The following PP2D1 variants were observed in gnomAD, a reference collection of about 807,000 sequenced individuals.
The protein encoded by PP2D1 is protein phosphatase 2C like domain containing 1.
Under a neutral mutation model 30.2 loss-of-function variants are expected in PP2D1, and 25 were observed. That is an observed-to-expected ratio of 0.83 (90% CI 0.60 to 1.16). The LOEUF (loss-of-function observed/expected upper bound fraction) is 1.16, where lower values mean the gene tolerates loss of function less well. PP2D1 is among the 50% of genes most tolerant of loss of function. PP2D1 has a pLI of 0.00. For synonymous variants in PP2D1, 260 were observed against 258.9 expected, an observed-to-expected ratio of 1.00 and a Z score of -0.04; for missense variants, 760 against 742.4, an observed-to-expected ratio of 1.02 and a Z score of -0.28.
chr3:20,004,539 A>G (rs1212439789), intron 1 of PP2D1, among the ~76,000 whole-genome samples: 1 of 152,240 alleles, frequency 6.6e-6, no homozygotes, highest in Non-Finnish European at 1.5e-5. Context: ...AAGAATTGAT[A>G]GTAAGGACAG....
At position 20,001,261 on chromosome 3, in the gene PP2D1, C is replaced by T; in HGVS notation, c.859G>A (p.Ala287Thr). ...CEYEDTHKAF[A>T]KAFWRMDRLL... ...CTATCCATTCTCCAAAATGCTTTTG[C>T]AAAGGCTTTGTGTGTGTCCTCATAC... The change falls in exon 2 of 3, where the codon GCA becomes ACA. Residue 287 changes from alanine (A) to threonine (T), a missense_variant. This residue lies in a region of PP2D1 where 374 missense variants were observed against 388.8 expected (regional missense o/e 0.96). Coordinates refer to ENST00000389050, the MANE Select transcript of PP2D1 (RefSeq NM_001252657.2). The T allele has an allele frequency of 6.5e-7, 1 of 1,536,058 alleles. No individual in the cohort carries two copies. The highest frequency in any genetic ancestry group is 1.2e-5 in the South Asian group (1 of 84,040).
chr3:19,987,534 T>G (rs1697055674), intron 2 of PP2D1, among the ~76,000 whole-genome samples: 1 of 152,192 alleles, frequency 6.6e-6, no homozygotes, highest in Non-Finnish European at 1.5e-5. Flanking sequence ...TTAAATATGA[T>G]ATTGTACCTG....
chr3:20,004,069 C>T (rs1697287871), intron 1 of PP2D1, among the ~76,000 whole-genome samples: 1 of 152,192 alleles, frequency 6.6e-6, no homozygotes, highest in Non-Finnish European at 1.5e-5. Context: ...CCTTCACACT[C>T]ATCACTCACT....
chr3:19,996,267 C>G (rs1030379988), intron 2 of PP2D1, among the ~76,000 whole-genome samples: 30 of 151,896 alleles, frequency 2.0e-4, no homozygotes, highest in African/African-American at 7.0e-4. Context: ...ACAACAGATG[C>G]CACTAAAAAA....
At chr3:19,999,668 C>T (rs756131187) in intron 2 of PP2D1, among the ~76,000 whole-genome samples, 2 of 151,998 alleles carry the variant, frequency 1.3e-5, no homozygotes, top group East Asian at 1.9e-4. Flanking sequence ...GAATTACAGG[C>T]GTGAGCCACC....
Position 20,002,028 on chromosome 3 carries a change from A to G in PP2D1, c.92T>C (p.Leu31Pro), listed in dbSNP as rs1412416102. Residue 31 changes from leucine (L) to proline (P), a missense_variant, in exon 2 of 3, where the codon CTT becomes CCT. Around this residue, in one of 3 missense-constraint regions of PP2D1, gnomAD observed 374 missense variants for 388.8 expected, o/e 0.96. Coordinates refer to ENST00000389050, the MANE Select transcript of PP2D1 (RefSeq NM_001252657.2). ...TCTAAAACGTTTTCTTTTGGGTAAA[A>G]GTAGAATATCCTCATCTGAATCAAA... is the stretch of plus-strand genomic sequence containing the variant. ...STFDSDEDIL[L>P]LPKRKRFRKK... The G allele has an allele frequency of 6.5e-7, 1 of 1,535,714 alleles. No homozygotes were observed. Among genetic ancestry groups the G allele is most frequent in the Non-Finnish European group, 8.7e-7 (1 of 1,146,450 alleles).
At chr3:19,999,421 G>T (rs545741469) in intron 2 of PP2D1, among the ~76,000 whole-genome samples, 1 of 142,648 alleles carries the variant, frequency 7.0e-6, no homozygotes, top group South Asian at 2.3e-4. Context: ...TCTCTTTGTT[G>T]CCCAGTCTGG....
At chr3:19,983,755 G>A (rs769770592), downstream of PP2D1, 2 of 1,612,606 alleles carry the variant, frequency 1.2e-6, no homozygotes, top group Admixed American at 1.7e-5. Flanking sequence ...AGCAAATTCT[G>A]CCAGAGGAAG....
intron 2 of PP2D1, among the ~76,000 whole-genome samples, chr3:19,997,936 C>T (rs1575086180): frequency 6.6e-6 from 1 of 152,146 alleles, no homozygotes; most frequent in African/African-American, 2.4e-5. Flanking sequence ...TGGCTCACCC[C>T]TGTAATCCCA....
At position 20,001,913 on chromosome 3, in the gene PP2D1, G is replaced by A. The variant is rs1393523894; in HGVS notation, c.207C>T (p.Cys69=). ...TACCAGTTAGGTCAATTTCGTGCTT[G>A]CATATGGAACAGGGTAATGTGGTCC... is the stretch of plus-strand genomic sequence containing the variant. ...EQGTTLPCSI[C]KHEIDLTGIF... The change falls in exon 2 of 3, where the codon TGC becomes TGT. Residue 69 remains cysteine, a synonymous_variant. Transcript: ENST00000389050. 42 of 1,536,318 alleles carry A rather than the reference G, an allele frequency of 2.7e-5. No homozygotes were observed. Among genetic ancestry groups the A allele is most frequent in the Non-Finnish European group, 3.5e-5 (40 of 1,146,996 alleles).
intron 1 of PP2D1, among the ~76,000 whole-genome samples, chr3:20,008,618 A>G (rs1697351217): frequency 6.6e-6 from 1 of 152,084 alleles, no homozygotes; most frequent in Admixed American, 6.6e-5. Flanking sequence ...CGGGCGCTGT[A>G]GCTCACACCT....
chr3:20,011,811 TAAATA>T (rs1430418844), intron 1 of PP2D1, among the ~76,000 whole-genome samples: 2 of 147,140 alleles, frequency 1.4e-5, no homozygotes, highest in Admixed American at 6.8e-5. Flanking sequence ...AATAAATAAA[TAAATA>T]AAATAAGTTA....
chr3:19,985,541 C>T lies in PP2D1; in HGVS notation c.1732G>A (p.Ala578Thr). The change falls in exon 3 of 3, where the codon GCA (alanine) becomes ACA (threonine). Residue 578 changes from alanine to threonine, a missense_variant. Physicochemically the swap from Ala to Thr is moderately conservative, Grantham distance 58. Transcript: ENST00000389050. The part of the protein sequence containing the change: ...TDRPTSVNDV[A>T]TNEKESDTKS... The stretch of plus-strand genomic sequence containing the variant: ...GTGTCTGATTCTTTTTCATTTGTTG[C>T]CACATCATTTACACTAGTTGGTCTG... 6.5e-7 allele frequency: 1 copy of T among 1,535,996 alleles called. No individual in the cohort carries two copies. Among genetic ancestry groups the T allele is most frequent in the Non-Finnish European group, 8.7e-7 (1 of 1,146,842 alleles).
downstream of PP2D1, chr3:19,984,730 T>C (rs982388866): frequency 6.5e-6 from 1 of 153,710 alleles, no homozygotes; most frequent in Non-Finnish European, 1.5e-5. Context: ...GGTACTGCAT[T>C]GTAGTCTCCA....
rs1390030879 is a variant in PP2D1 at position 19,986,129 on chromosome 3, C to G, written c.1144G>C (p.Glu382Gln). 1.3e-6 allele frequency: 2 copies of G among 1,531,956 alleles called. No homozygotes were observed. Among genetic ancestry groups the G allele is most frequent in the African/African-American group, 1.4e-5 (1 of 72,876 alleles). The allele number at this position is 1,531,956 out of a possible 1,614,324, so 94.9% of individuals were successfully genotyped here. A position where few individuals can be genotyped will look rare whatever the true frequency, so the allele number is the denominator to read the frequency against. Reference sequence around the variant, plus strand: ...TCATTTGTGTTTCGTGTAGTATGTTCTTTGGTTAGGCAAAAACCTTTCCCA... The same window carrying G: ...TCATTTGTGTTTCGTGTAGTATGTTGTTTGGTTAGGCAAAAACCTTTCCCA... ...RNGKGFCLTK[E>Q]HTTRNTNERR... Residue 382 changes from glutamate to glutamine, a missense_variant, in exon 3 of 3, where the codon GAA (glutamate) becomes CAA (glutamine). Physicochemically the swap from Glu to Gln is conservative, Grantham distance 29. Transcript: ENST00000389050.
At chr3:20,005,050 G>A (rs1044033904) in intron 1 of PP2D1, among the ~76,000 whole-genome samples, 4 of 152,108 alleles carry the variant, frequency 2.6e-5, no homozygotes, top group South Asian at 2.1e-4. Flanking sequence ...GGTGGAAGCT[G>A]CAGTGAGCCA....
chr3:19,988,024 G>C (rs960000136), intron 2 of PP2D1, among the ~76,000 whole-genome samples: 1 of 152,080 alleles, frequency 6.6e-6, no homozygotes, highest in Admixed American at 6.5e-5. Context: ...ATCTTCGTAA[G>C]CTGGGGTTGT....
chr3:20,005,161 A>AT (rs1199009128), intron 1 of PP2D1, among the ~76,000 whole-genome samples: 2 of 142,376 alleles, frequency 1.4e-5, no homozygotes, highest in African/African-American at 2.5e-5. Flanking sequence ...TTTTAAATTT[A>AT]TTTTTTTTGA....
At chr3:20,006,652 A>G (rs113737226) in intron 1 of PP2D1, among the ~76,000 whole-genome samples, 24,271 of 151,948 alleles carry the variant, frequency 0.16, 2,125 homozygotes, top group Non-Finnish European at 0.21. Context: ...AGTAGAGATG[A>G]GTTTTTGCCA....
Sources: allele counts gnomAD v4.1 joint callset (sites outside exome capture counted in the v4.1 genomes callset), GRCh38; gene constraint gnomAD v4.1.1; regional missense constraint gnomAD v4.1.1; transcripts MANE v1.5; gene names NCBI Gene and HGNC (gene_info 2026-07-23, HGNC 2026-07-21).